Variants in CSMD3 observed in about 807,000 individuals in gnomAD.
CSMD3 encodes the protein CUB and Sushi multiple domains 3.
Under a neutral mutation model 435.2 loss-of-function variants are expected in CSMD3, and 177 were observed. The ratio of observed to expected loss-of-function variants is 0.41; its 90% CI spans 0.36 to 0.46. The LOEUF (loss-of-function observed/expected upper bound fraction) is 0.46, where lower values mean the gene tolerates loss of function less well. CSMD3 is among the 20% of genes least tolerant of loss of function. CSMD3 has a pLI of 0.34. For missense variants in CSMD3, 4,265 were observed against 4,504.6 expected, an observed-to-expected ratio of 0.95 and a Z score of 1.52; for synonymous variants, 1,656 against 1,520.5, an observed-to-expected ratio of 1.09 and a Z score of -2.07.
At chr8:112,677,045 C>T (rs1369974844) in intron 16 of CSMD3, among the ~76,000 whole-genome samples, 1 of 152,038 alleles carries the variant, frequency 6.6e-6, no homozygotes, top group Non-Finnish European at 1.5e-5. Context: ...ATTCACCAAG[C>T]TTCCAAGGAG....
At chr8:112,935,035 G>A (rs1031628511) in intron 9 of CSMD3, among the ~76,000 whole-genome samples, 2 of 151,844 alleles carry the variant, frequency 1.3e-5, no homozygotes, top group African/African-American at 2.4e-5. Flanking sequence ...ACATAGCTTT[G>A]GGCCTTATGT....
chr8:112,537,409 A>G (rs1374512591), intron 27 of CSMD3, among the ~76,000 whole-genome samples: 1 of 150,684 alleles, frequency 6.6e-6, no homozygotes, highest in Non-Finnish European at 1.5e-5. Context: ...AGGAAAAAAA[A>G]TTGAGAGTGA....
chr8:112,249,338 C>G (rs1309559342), intron 63 of CSMD3, among the ~76,000 whole-genome samples: 2 of 148,664 alleles, frequency 1.3e-5, no homozygotes, highest in Non-Finnish European at 3.0e-5. Context: ...ACATCACAAT[C>G]ACCAAAAGGA....
At chr8:112,610,814 T>A (rs1373987733) in intron 22 of CSMD3, among the ~76,000 whole-genome samples, 1 of 152,108 alleles carries the variant, frequency 6.6e-6, no homozygotes, top group African/African-American at 2.4e-5. Context: ...CTGAATGGAG[T>A]GGACTTCATG....
chr8:112,596,655 T>C (rs1831751449), intron 22 of CSMD3, among the ~76,000 whole-genome samples: 1 of 151,830 alleles, frequency 6.6e-6, no homozygotes, highest in Admixed American at 6.6e-5. Flanking sequence ...AAAGAGATTA[T>C]AACAAACTAT....
rs148203194 is a variant in CSMD3 at position 112,871,157 on chromosome 8, A to G, written c.1634-11891T>C. 3.5e-4 allele frequency among the ~76,000 whole-genome samples: 53 copies of G among 152,324 alleles called. 1 individual carries two copies. The East Asian group carries it at 0.01, about 29-fold the overall frequency. ...AGTTGAAATGCTTTAGGGATGTGCT[A>G]AGGAAAAGCATCCCCAAGTTGGCAG... On this transcript the variant is annotated intron_variant, in intron 10 of 70. Transcript: ENST00000297405.
chr8:112,249,496 T>C (rs1218610863), intron 63 of CSMD3, among the ~76,000 whole-genome samples: 1 of 152,100 alleles, frequency 6.6e-6, no homozygotes, highest in Non-Finnish European at 1.5e-5. Context: ...AACTACACAA[T>C]AGACAATTAT....
intron 1 of CSMD3, among the ~76,000 whole-genome samples, chr8:113,320,104 G>A (rs929729349): frequency 6.6e-6 from 1 of 152,102 alleles, no homozygotes; most frequent in South Asian, 2.1e-4. Flanking sequence ...TATGATTTGG[G>A]TGTGCACACT....
At chr8:112,979,437 T>A (rs2084967526) in intron 6 of CSMD3, among the ~76,000 whole-genome samples, 1 of 151,678 alleles carries the variant, frequency 6.6e-6, no homozygotes. Flanking sequence ...AAATTGGCAG[T>A]GTATGAAACA....
intron 27 of CSMD3, among the ~76,000 whole-genome samples, chr8:112,532,150 C>A (rs185335766): frequency 6.6e-6 from 1 of 151,656 alleles, no homozygotes; most frequent in African/African-American, 2.4e-5. Context: ...GAATTCATGA[C>A]ATGGAAGATA....
chr8:112,457,280 C>A (rs1211006729), intron 32 of CSMD3, among the ~76,000 whole-genome samples: 2 of 151,954 alleles, frequency 1.3e-5, no homozygotes, highest in African/African-American at 2.4e-5. Context: ...ACCACCAACA[C>A]CCTAGATAGA....
intron 4 of CSMD3, among the ~76,000 whole-genome samples, chr8:113,131,409 C>T (rs2131683443): frequency 6.6e-6 from 1 of 152,076 alleles, no homozygotes; most frequent in East Asian, 1.9e-4. Context: ...CACCTCTAGT[C>T]ATGGCTAAAA....
chr8:112,673,887 G>T (rs946981407), intron 16 of CSMD3, among the ~76,000 whole-genome samples: 1 of 152,186 alleles, frequency 6.6e-6, no homozygotes, highest in African/African-American at 2.4e-5. Context: ...GTTCTTGCTT[G>T]AGTAAGCATT....
chr8:112,997,435 A>C (rs1369555427), intron 6 of CSMD3, among the ~76,000 whole-genome samples: 1 of 151,648 alleles, frequency 6.6e-6, no homozygotes, highest in Non-Finnish European at 1.5e-5. Context: ...TGTTTTCTCA[A>C]TGCAACTATC....
At chr8:112,877,504 G>T (rs945850495) in intron 10 of CSMD3, among the ~76,000 whole-genome samples, 3 of 152,068 alleles carry the variant, frequency 2.0e-5, no homozygotes, top group African/African-American at 7.2e-5. Flanking sequence ...CTGACCTCAG[G>T]TGATCTGCTC....
intron 13 of CSMD3, among the ~76,000 whole-genome samples, chr8:112,712,947 G>T (rs2076642350): frequency 6.6e-6 from 1 of 152,114 alleles, no homozygotes; most frequent in African/African-American, 2.4e-5. Flanking sequence ...ATTCTAAGGG[G>T]CAGGGCCAAG....
At chr8:113,007,935 T>C (rs1161193701) in intron 6 of CSMD3, among the ~76,000 whole-genome samples, 3 of 151,872 alleles carry the variant, frequency 2.0e-5, no homozygotes, top group Non-Finnish European at 4.4e-5. Flanking sequence ...GAGGACACTA[T>C]TAACCCCCTT....
chr8:113,277,340 C>T (rs1436102799), intron 3 of CSMD3, among the ~76,000 whole-genome samples: 1 of 151,916 alleles, frequency 6.6e-6, no homozygotes, highest in Non-Finnish European at 1.5e-5. Context: ...TCCTCCCTTG[C>T]TACACAAAAG....
intron 10 of CSMD3, among the ~76,000 whole-genome samples, chr8:112,911,862 TC>T (rs1296398202): frequency 7.9e-6 from 1 of 126,144 alleles, no homozygotes; most frequent in Non-Finnish European, 1.6e-5. Context: ...ATAAGATATA[TC>T]CATTATGTAT....
Sources: allele counts gnomAD v4.1 joint callset (sites outside exome capture counted in the v4.1 genomes callset), GRCh38; gene constraint gnomAD v4.1.1; transcripts MANE v1.5; gene names NCBI Gene and HGNC (gene_info 2026-07-23, HGNC 2026-07-21).